The following DSC3 variants were observed in gnomAD, a reference collection of about 807,000 sequenced individuals.
DSC3 encodes desmocollin 3.
A neutral mutation model predicts 89.5 loss-of-function variants in DSC3; 97 were observed. The ratio of observed to expected loss-of-function variants is 1.08; its 90% CI spans 0.92 to 1.28. The LOEUF is 1.28. DSC3 is among the 50% of genes most tolerant of loss of function. The probability of loss-of-function intolerance (pLI) is 0.00; values close to 1 mark genes in which losing one functional copy is unlikely to be tolerated. For synonymous variants in DSC3, 436 were observed against 384.1 expected (o/e 1.14, Z -1.58); for missense variants, 1,199 against 1,085.3 (o/e 1.10, Z -1.47).
In DSC3 at chr18:31,008,249, G is replaced by A; in HGVS notation, c.1520+20C>T. The A allele has an allele frequency of 6.2e-7, 1 of 1,613,084 alleles. No homozygotes were observed. Among genetic ancestry groups the A allele is most frequent in the Non-Finnish European group, 8.5e-7 (1 of 1,179,354 alleles). ...GATTACAAATACATTATTAGTATGTGGTTATAGATTTATTTTTACCTTAAA... is the reference window on the plus strand; with the variant it reads ...GATTACAAATACATTATTAGTATGTAGTTATAGATTTATTTTTACCTTAAA... On this transcript the variant is annotated intron_variant, in intron 10 of 15. Coordinates refer to ENST00000360428, the MANE Select transcript of DSC3 (RefSeq NM_001941.5).
intron 9 of DSC3, among the ~76,000 whole-genome samples, chr18:31,009,726 AT>A: frequency 6.6e-6 from 1 of 152,332 alleles, no homozygotes; most frequent in Admixed American, 6.5e-5. Context: ...TGAAGTAAGT[AT>A]TATTGACCTC....
intron 4 of DSC3, among the ~76,000 whole-genome samples, chr18:31,028,030 C>T (rs1985657697): frequency 6.6e-6 from 1 of 152,046 alleles, no homozygotes. Context: ...CCCTATTAAA[C>T]TTCCAAGTGT....
At chr18:31,029,464 C>G (rs1309035297) in intron 4 of DSC3, 45 bp downstream of exon 4, 1 of 1,610,478 alleles carries the variant, frequency 6.2e-7, no homozygotes, top group Admixed American at 1.7e-5. Context: ...ATGAAACAGA[C>G]TCTTAGAATT....
At chr18:31,001,401 C>G (rs926830293) in intron 14 of DSC3, among the ~76,000 whole-genome samples, 1 of 151,680 alleles carries the variant, frequency 6.6e-6, no homozygotes, top group African/African-American at 2.4e-5. Flanking sequence ...AACTATGACA[C>G]TAGAGTGGAA....
chr18:31,020,284 G>A (rs1032636221), intron 7 of DSC3, among the ~76,000 whole-genome samples: 1 of 152,076 alleles, frequency 6.6e-6, no homozygotes, highest in Non-Finnish European at 1.5e-5. Flanking sequence ...AGCCTCGGAT[G>A]TAAGGACCTA....
intron 12 of DSC3, among the ~76,000 whole-genome samples, chr18:31,005,056 T>A (rs1044553345): frequency 1.3e-5 from 2 of 152,188 alleles, no homozygotes; most frequent in African/African-American, 4.8e-5. Flanking sequence ...TATAATAGAC[T>A]AAGTAAAATG....
rs1188583918 is a variant in DSC3 at position 31,024,356 on chromosome 18, A to C, written c.768T>G (p.Ser256Arg). The C allele has an allele frequency of 6.2e-7, 1 of 1,603,130 alleles. No homozygotes were observed. Among genetic ancestry groups the C allele is most frequent in the Non-Finnish European group, 8.5e-7 (1 of 1,173,952 alleles). Residue 256 changes from serine to arginine, a missense_variant, in exon 6 of 16, where the codon AGT (serine) becomes AGG (arginine). Coordinates refer to ENST00000360428, the MANE Select transcript of DSC3 (RefSeq NM_001941.5). The part of the protein sequence containing the change: ...AIYNFEVLES[S>R]RPGTTVGVVC... The stretch of plus-strand genomic sequence containing the variant: ...TCTTAAAAGCAGACTTACCAGGTCT[A>C]CTACTTTCCAAAACTTCAAAATTAT...
chr18:31,004,291 C>T lies in DSC3; in HGVS notation c.1964G>A (p.Arg655Lys), dbSNP rs375469420. 86 of 1,613,858 alleles carry T rather than the reference C, an allele frequency of 5.3e-5. No individual in the cohort carries two copies. The highest frequency in any genetic ancestry group is 6.5e-5 in the Non-Finnish European group (77 of 1,179,956). Residue 655 changes from arginine (R) to lysine (K), a missense_variant, in exon 13 of 16, where the codon AGG becomes AAG. By Grantham distance (26) the Arg-to-Lys change is conservative. Coordinates refer to ENST00000360428, the MANE Select transcript of DSC3 (RefSeq NM_001941.5). Reference sequence around the variant, plus strand: ...TAATTTTGTTGCAGCTTGGCCGGCCCTGTCTTTTACAGTAATAGGAATGGT... The same window carrying T: ...TAATTTTGTTGCAGCTTGGCCGGCCTTGTCTTTTACAGTAATAGGAATGGT... ...EYTIPITVKDRAGQAATKLLR... is the reference protein window; with the variant it reads ...EYTIPITVKDKAGQAATKLLR...
Position 31,008,501 on chromosome 18 carries a change from G to T in DSC3, c.1288C>A (p.Gln430Lys). Residue 430 changes from glutamine (Q) to lysine (K), a missense_variant, in exon 10 of 16, where the codon CAA (glutamine) becomes AAA (lysine). Physicochemically the swap from Gln to Lys is moderately conservative, Grantham distance 53. Coordinates refer to ENST00000360428, the MANE Select transcript of DSC3 (RefSeq NM_001941.5). ...TTTACTCCAATTTCCAGGTTCACTT[G>T]ACGGTTTTCTTCATAATTCAGTGGC... ...VKPLNYEENRQVNLEIGVNNE... is the reference protein window; with the variant it reads ...VKPLNYEENRKVNLEIGVNNE... 1 of 1,614,112 alleles carries T rather than the reference G, an allele frequency of 6.2e-7. No homozygotes were observed. Among genetic ancestry groups the T allele is most frequent in the Non-Finnish European group, 8.5e-7 (1 of 1,180,010 alleles).
At chr18:31,022,287 G>A (rs1176463949) in intron 7 of DSC3, 49 bp downstream of exon 7, 1 of 1,607,358 alleles carries the variant, frequency 6.2e-7, no homozygotes, top group Non-Finnish European at 8.5e-7. Context: ...AATGGGGGAG[G>A]GAAGCTTAAT....
rs1327895423 is a variant in DSC3 at position 31,006,989 on chromosome 18, A to T, written c.1806T>A (p.Pro602=). Reference sequence around the variant, plus strand: ...TGAAATAAAATGGAGCTCCATGGACAGGTTCATCAGGATCAACAGCTAAAA... The same window carrying T: ...TGAAATAAAATGGAGCTCCATGGACTGGTTCATCAGGATCAACAGCTAAAA... ...TDILAVDPDE[P]VHGAPFYFSL... Residue 602 remains proline, a synonymous_variant, in exon 12 of 16, where the codon CCT becomes CCA. Transcript: ENST00000360428. 1.2e-6 allele frequency: 2 copies of T among 1,613,966 alleles called. No individual in the cohort carries two copies. The highest frequency in any genetic ancestry group is 1.7e-6 in the Non-Finnish European group (2 of 1,179,946).
chr18:31,005,296 C>G (rs964719497), intron 12 of DSC3, among the ~76,000 whole-genome samples: 17 of 152,296 alleles, frequency 1.1e-4, no homozygotes, highest in South Asian at 6.2e-4. Context: ...ACAAGTGGAG[C>G]CATTGTCATG....
intron 14 of DSC3, among the ~76,000 whole-genome samples, chr18:31,000,377 C>A (rs1984611743): frequency 6.6e-6 from 1 of 152,172 alleles, no homozygotes; most frequent in Non-Finnish European, 1.5e-5. Flanking sequence ...TTAAACTAAG[C>A]TTTCATCTTC....
chr18:31,002,324 A>T (rs927804031), intron 13 of DSC3, among the ~76,000 whole-genome samples: 2 of 152,224 alleles, frequency 1.3e-5, no homozygotes, highest in Non-Finnish European at 2.9e-5. Context: ...AACCCAGAGC[A>T]CTACATATTT....
At chr18:30,994,417 A>C in intron 15 of DSC3, 45 bp from the exon 16 acceptor site, 1 of 1,594,726 alleles carries the variant, frequency 6.3e-7, no homozygotes, top group Non-Finnish European at 8.6e-7. Context: ...GTTTTAAACA[A>C]CTTAAATATA....
rs1233342261 is a variant in DSC3, at chr18:31,029,392, C to T, written c.474+117G>A. ...CTTTCTCATTTTACTTTTGTTACAC[C>T]TCATGAACATCTTTAATCAGATCTG... On this transcript the variant is annotated intron_variant, in intron 4 of 15. Coordinates refer to ENST00000360428, the MANE Select transcript of DSC3 (RefSeq NM_001941.5). 3.0e-5 allele frequency: 40 copies of T among 1,341,436 alleles called. No individual in the cohort carries two copies. In the East Asian group the frequency reaches 4.9e-4, roughly 16 times the overall value. 83.1% of individuals were successfully genotyped at this position (1,341,436 alleles called of 1,614,324 possible).
At chr18:31,005,224 C>T (rs1297058252) in intron 12 of DSC3, among the ~76,000 whole-genome samples, 2 of 152,138 alleles carry the variant, frequency 1.3e-5, no homozygotes, top group African/African-American at 4.8e-5. Flanking sequence ...TTACTTAGGA[C>T]CCTTCAAGAC....
intron 4 of DSC3, among the ~76,000 whole-genome samples, chr18:31,029,018 C>T (rs966168196): frequency 6.6e-6 from 1 of 152,172 alleles, no homozygotes; most frequent in African/African-American, 2.4e-5. Flanking sequence ...GGACTCTACT[C>T]AGATGTCTCC....
intron 1 of DSC3, among the ~76,000 whole-genome samples, chr18:31,036,388 T>C (rs1985969403): frequency 6.6e-6 from 1 of 152,182 alleles, no homozygotes; most frequent in African/African-American, 2.4e-5. Context: ...TTATCTATTG[T>C]TTGTGCTTGT....
Sources: gnomAD v4.1 joint callset for allele counts (sites outside exome capture counted in the v4.1 genomes callset) on GRCh38, gnomAD v4.1.1 for gene constraint, MANE v1.5 for transcripts, NCBI Gene and HGNC (gene_info 2026-07-23, HGNC 2026-07-21) for gene names.